The following CYP7B1 variants were observed in gnomAD, a reference collection of about 807,000 sequenced individuals.
The protein encoded by CYP7B1 is cytochrome P450 7B1.
Under a neutral mutation model 42.7 loss-of-function variants are expected in CYP7B1, and 29 were observed. The observed-to-expected ratio is 0.68, with a 90% CI of 0.51 to 0.93. The LOEUF is 0.93. Among genes scored for constraint, CYP7B1 ranks in the 40% least tolerant of loss-of-function variants. CYP7B1 has a pLI of 0.00. For missense variants in CYP7B1, 655 were observed against 600.5 expected, an observed-to-expected ratio of 1.09 and a Z score of -0.95; for synonymous variants, 235 against 218.2, an observed-to-expected ratio of 1.08 and a Z score of -0.68.
At chr8:64,623,015 G>T (rs914617379) in intron 2 of CYP7B1, among the ~76,000 whole-genome samples, 6 of 152,178 alleles carry the variant, frequency 3.9e-5, no homozygotes, top group African/African-American at 1.4e-4. Context: ...AAGGAGTGTG[G>T]GTAATCTAGT....
At chr8:64,611,783 C>T (rs75504331) in intron 4 of CYP7B1, among the ~76,000 whole-genome samples, 2,563 of 152,214 alleles carry the variant, frequency 0.017, 58 homozygotes, top group African/African-American at 0.055. Flanking sequence ...TTTACCTTGA[C>T]TTTCCAGAGT....
rs191383586 is a variant in CYP7B1 at position 64,698,862 on chromosome 8, A to C, written c.123-74323T>G. ...TAGTTTTAAAGACTCCTATCACATTATGTGATTATCCTGATCATTCACTCA... is the reference window on the plus strand; with the variant it reads ...TAGTTTTAAAGACTCCTATCACATTCTGTGATTATCCTGATCATTCACTCA... On this transcript the variant is annotated intron_variant, in intron 1 of 5. Coordinates refer to ENST00000310193, the MANE Select transcript of CYP7B1 (RefSeq NM_004820.5). 5.3e-5 allele frequency among the ~76,000 whole-genome samples: 8 copies of C among 152,308 alleles called. No individual in the cohort carries two copies. In the East Asian group the frequency reaches 1.5e-3, roughly 29 times the overall value.
chr8:64,649,044 G>A (rs1805996828), intron 1 of CYP7B1, among the ~76,000 whole-genome samples: 1 of 152,156 alleles, frequency 6.6e-6, no homozygotes, highest in Non-Finnish European at 1.5e-5. Flanking sequence ...GTTTAGTAAT[G>A]TTAAGTATAT....
At chr8:64,641,832 T>C (rs1373663545) in intron 1 of CYP7B1, among the ~76,000 whole-genome samples, 4 of 152,150 alleles carry the variant, frequency 2.6e-5, no homozygotes, top group Non-Finnish European at 5.9e-5. Context: ...GTTCTCTTCC[T>C]ACTGCCACAA....
At chr8:64,752,363 TTAAA>T (rs1304094811) in intron 1 of CYP7B1, among the ~76,000 whole-genome samples, 3 of 151,056 alleles carry the variant, frequency 2.0e-5, no homozygotes, top group East Asian at 3.8e-4. Flanking sequence ...CAACTTTCTG[TTAAA>T]TAAATTGTGT....
intron 1 of CYP7B1, chr8:64,703,645 G>A (rs1806950799): frequency 6.6e-6 from 1 of 152,102 alleles, no homozygotes; most frequent in African/African-American, 2.4e-5. Context: ...CATTCAGAAA[G>A]GGAGGAGAAT....
At chr8:64,759,569 T>C (rs1270045391) in intron 1 of CYP7B1, among the ~76,000 whole-genome samples, 1 of 152,154 alleles carries the variant, frequency 6.6e-6, no homozygotes, top group Non-Finnish European at 1.5e-5. Flanking sequence ...ACCCGATAAA[T>C]TATTTTTTTT....
At chr8:64,604,460 C>T (rs763598919) in intron 5 of CYP7B1, among the ~76,000 whole-genome samples, 82 of 152,318 alleles carry the variant, frequency 5.4e-4, no homozygotes, top group Non-Finnish European at 1.0e-3. Context: ...CATTTAGTCT[C>T]ATCACTGTAT....
intron 1 of CYP7B1, among the ~76,000 whole-genome samples, chr8:64,716,954 T>G (rs1278515352): frequency 6.6e-6 from 1 of 152,238 alleles, no homozygotes; most frequent in Non-Finnish European, 1.5e-5. Flanking sequence ...TCTATTTTTC[T>G]ATGACTTTTG....
At chr8:64,625,350 T>G (rs1192204975) in intron 1 of CYP7B1, among the ~76,000 whole-genome samples, 1 of 152,226 alleles carries the variant, frequency 6.6e-6, no homozygotes, top group Non-Finnish European at 1.5e-5. Context: ...CCTGGATGAC[T>G]GCCTGATAGT....
chr8:64,587,220 C>T (rs1456260414), downstream of CYP7B1, among the ~76,000 whole-genome samples: 1 of 152,248 alleles, frequency 6.6e-6, no homozygotes, highest in Non-Finnish European at 1.5e-5. Context: ...GCCCACCGCG[C>T]TGTTTTTGCT....
intron 1 of CYP7B1, among the ~76,000 whole-genome samples, chr8:64,746,017 A>T (rs1016704930): frequency 1.3e-5 from 2 of 152,114 alleles, no homozygotes; most frequent in African/African-American, 4.8e-5. Flanking sequence ...ATGTTTTTTA[A>T]TCTATTTGAT....
chr8:64,688,600 G>A (rs1393209062), intron 1 of CYP7B1, among the ~76,000 whole-genome samples: 1 of 152,140 alleles, frequency 6.6e-6, no homozygotes, highest in Non-Finnish European at 1.5e-5. Context: ...AGTTATTTGG[G>A]TTCTGGTTTT....
At chr8:64,787,070 C>T (rs1163820484) in intron 1 of CYP7B1, among the ~76,000 whole-genome samples, 3 of 152,218 alleles carry the variant, frequency 2.0e-5, no homozygotes, top group African/African-American at 7.2e-5. Context: ...GGGGTTAGGC[C>T]TGGACTATGA....
At chr8:64,618,525 C>G (rs1464260392) in intron 2 of CYP7B1, among the ~76,000 whole-genome samples, 3 of 151,858 alleles carry the variant, frequency 2.0e-5, no homozygotes, top group Non-Finnish European at 4.4e-5. Flanking sequence ...ACACATGTTA[C>G]AATTTTTGTT....
At chr8:64,681,126 A>T (rs1806530111) in intron 1 of CYP7B1, among the ~76,000 whole-genome samples, 1 of 152,260 alleles carries the variant, frequency 6.6e-6, no homozygotes. Context: ...ATGAGTAGAC[A>T]ATAAAACAGA....
chr8:64,599,676 A>G (rs906892163), intron 5 of CYP7B1, among the ~76,000 whole-genome samples: 4 of 152,212 alleles, frequency 2.6e-5, no homozygotes, highest in African/African-American at 9.6e-5. Flanking sequence ...TTGTCTAGGC[A>G]CTAATCTTGG....
At chr8:64,622,474 T>A (rs891039525) in intron 2 of CYP7B1, among the ~76,000 whole-genome samples, 1 of 152,216 alleles carries the variant, frequency 6.6e-6, no homozygotes, top group Non-Finnish European at 1.5e-5. Flanking sequence ...ATCAGCATTG[T>A]CAAACCAGGT....
At chr8:64,672,706 A>G (rs1806384458) in intron 1 of CYP7B1, among the ~76,000 whole-genome samples, 1 of 152,154 alleles carries the variant, frequency 6.6e-6, no homozygotes, top group African/African-American at 2.4e-5. Context: ...ACCACTTCAG[A>G]TGGTGTGGCA....
Sources: gnomAD v4.1 joint callset for allele counts (sites outside exome capture counted in the v4.1 genomes callset) on GRCh38, gnomAD v4.1.1 for gene constraint, MANE v1.5 for transcripts, NCBI Gene and HGNC (gene_info 2026-07-23, HGNC 2026-07-21) for gene names.